The following ESRRG variants were observed in gnomAD, a reference collection of about 807,000 sequenced individuals.
ESRRG encodes the protein estrogen-related receptor gamma.
In ESRRG, 13 loss-of-function variants were observed where a neutral mutation model predicts 44.0. The ratio of observed to expected loss-of-function variants is 0.30; its 90% CI spans 0.19 to 0.47. The LOEUF is 0.47. ESRRG is among the 20% of genes least tolerant of loss of function. The pLI, the probability that ESRRG is intolerant of heterozygous loss-of-function variation, is 1.00. For missense variants in ESRRG, 395 were observed against 580.6 expected (o/e 0.68, Z 3.29); for synonymous variants, 215 against 214.6 (o/e 1.00, Z -0.02).
At chr1:216,857,435 A>T (rs2095967584) in intron 2 of ESRRG, among the ~76,000 whole-genome samples, 1 of 152,102 alleles carries the variant, frequency 6.6e-6, no homozygotes. Flanking sequence ...AGAATTTATT[A>T]ACTGTCTAGG....
At chr1:216,678,767 C>T (rs1203651902) in intron 1 of ESRRG, among the ~76,000 whole-genome samples, 1 of 152,132 alleles carries the variant, frequency 6.6e-6, no homozygotes, top group Non-Finnish European at 1.5e-5. Flanking sequence ...ATAATTGCCT[C>T]CCAGTGGAAA....
chr1:216,765,672 G>A (rs773348854), intron 2 of ESRRG, among the ~76,000 whole-genome samples: 1 of 152,146 alleles, frequency 6.6e-6, no homozygotes, highest in Non-Finnish European at 1.5e-5. Flanking sequence ...CCTGGGGTGT[G>A]AGGAAAACAT....
chr1:217,098,482 A>G (rs1044254566), intron 1 of ESRRG, among the ~76,000 whole-genome samples: 1 of 152,172 alleles, frequency 6.6e-6, no homozygotes, highest in Non-Finnish European at 1.5e-5. Flanking sequence ...CCAGTCTCAT[A>G]CTGAGATCCG....
At chr1:216,897,388 T>G (rs190355850) in intron 2 of ESRRG, among the ~76,000 whole-genome samples, 1 of 152,292 alleles carries the variant, frequency 6.6e-6, no homozygotes, top group Admixed American at 6.5e-5. Flanking sequence ...CTGAGAGATC[T>G]GGATTAAACA....
chr1:216,673,466 T>G (rs547161343), intron 2 of ESRRG, among the ~76,000 whole-genome samples: 1 of 152,236 alleles, frequency 6.6e-6, no homozygotes, highest in East Asian at 1.9e-4. Flanking sequence ...AAGTCCAGAG[T>G]GCTAATCTGG....
chr1:216,852,695 C>A (rs887407124), intron 2 of ESRRG, among the ~76,000 whole-genome samples: 2 of 152,082 alleles, frequency 1.3e-5, no homozygotes, highest in Non-Finnish European at 2.9e-5. Flanking sequence ...AAGTTTTGAG[C>A]AAAAACAGTT....
chr1:216,666,998 T>C (rs1281155796), intron 2 of ESRRG, among the ~76,000 whole-genome samples: 11 of 152,110 alleles, frequency 7.2e-5, no homozygotes, highest in African/African-American at 2.2e-4. Flanking sequence ...AAGAGAATGA[T>C]TGAATCGGGA....
chr1:216,754,996 A>G (rs2092356904), intron 2 of ESRRG, among the ~76,000 whole-genome samples: 1 of 152,008 alleles, frequency 6.6e-6, no homozygotes, highest in Non-Finnish European at 1.5e-5. Flanking sequence ...ATGATAGACT[A>G]TGGAAGAAGG....
intron 1 of ESRRG, among the ~76,000 whole-genome samples, chr1:217,039,424 GC>G (rs1317698181): frequency 6.6e-6 from 1 of 152,168 alleles, no homozygotes; most frequent in Non-Finnish European, 1.5e-5. Flanking sequence ...AAGTGTGGAG[GC>G]CTCACAATCA....
chr1:216,701,918 T>G (rs2081450346), intron 1 of ESRRG, among the ~76,000 whole-genome samples: 1 of 152,224 alleles, frequency 6.6e-6, no homozygotes, highest in Admixed American at 6.5e-5. Context: ...TTGACTAAAC[T>G]GTCAATGGCA....
chr1:217,082,537 C>G (rs1469447900), intron 1 of ESRRG, among the ~76,000 whole-genome samples: 1 of 152,162 alleles, frequency 6.6e-6, no homozygotes, highest in Non-Finnish European at 1.5e-5. Context: ...TCATAACACA[C>G]TGTCCTTTCC....
At chr1:216,779,066 G>T (rs796804585) in intron 2 of ESRRG, among the ~76,000 whole-genome samples, 4 of 137,038 alleles carry the variant, frequency 2.9e-5, no homozygotes, top group African/African-American at 8.2e-5. Flanking sequence ...TATTCATATT[G>T]TTTTCTATCT....
At chr1:216,752,752 A>G (rs2092137973) in intron 2 of ESRRG, among the ~76,000 whole-genome samples, 1 of 152,110 alleles carries the variant, frequency 6.6e-6, no homozygotes, top group African/African-American at 2.4e-5. Flanking sequence ...ATTCTGGAAC[A>G]GTGGCTGGGT....
chr1:216,781,966 C>G (rs534152937), intron 2 of ESRRG, among the ~76,000 whole-genome samples: 1 of 152,130 alleles, frequency 6.6e-6, no homozygotes, highest in South Asian at 2.1e-4. Flanking sequence ...TTGGGGTTAC[C>G]TGGCCTTGCG....
chr1:216,821,508 A>G (rs2095286868), intron 2 of ESRRG, among the ~76,000 whole-genome samples: 1 of 151,646 alleles, frequency 6.6e-6, no homozygotes, highest in South Asian at 2.1e-4. Context: ...CAACATAGTG[A>G]GACCCTGTCT....
At chr1:216,790,148 G>A (rs886863164) in intron 2 of ESRRG, among the ~76,000 whole-genome samples, 1 of 152,132 alleles carries the variant, frequency 6.6e-6, no homozygotes, top group African/African-American at 2.4e-5. Context: ...ATAACTGTGA[G>A]GAACAGAGCT....
chr1:216,987,277 A>G (rs1183471134), intron 1 of ESRRG, among the ~76,000 whole-genome samples: 2 of 152,212 alleles, frequency 1.3e-5, no homozygotes, highest in East Asian at 3.9e-4. Context: ...GCTTAAGGAA[A>G]AAGAGCATGC....
chr1:216,537,339 G>C (rs1027956434), intron 5 of ESRRG, among the ~76,000 whole-genome samples: 2 of 152,006 alleles, frequency 1.3e-5, no homozygotes, highest in Non-Finnish European at 2.9e-5. Context: ...GGACTTCCTA[G>C]CCTCTAGAAC....
intron 1 of ESRRG, among the ~76,000 whole-genome samples, chr1:217,108,519 G>A (rs563231594): frequency 6.6e-6 from 1 of 152,216 alleles, no homozygotes; most frequent in South Asian, 2.1e-4. Flanking sequence ...TGGAGGTGAA[G>A]CTTGGTGTGA....
Sources: gnomAD v4.1 joint callset for allele counts (sites outside exome capture counted in the v4.1 genomes callset) on GRCh38, gnomAD v4.1.1 for gene constraint, MANE v1.5 for transcripts, NCBI Gene and HGNC (gene_info 2026-07-23, HGNC 2026-07-21) for gene names.